The following PCDHGA4 variants were observed in gnomAD, a reference collection of about 807,000 sequenced individuals.
PCDHGA4 encodes protocadherin gamma-A4.
Under a neutral mutation model 54.6 loss-of-function variants are expected in PCDHGA4, and 38 were observed. The ratio of observed to expected loss-of-function variants is 0.70; its 90% CI spans 0.54 to 0.91. PCDHGA4 has a LOEUF of 0.91. Ranked by LOEUF, PCDHGA4 falls within the 40% of genes least tolerant of loss-of-function variation. The pLI, the probability that PCDHGA4 is intolerant of heterozygous loss-of-function variation, is 0.00. For missense variants in PCDHGA4, 1,298 were observed against 1,220.9 expected, an observed-to-expected ratio of 1.06 and a Z score of -0.94; for synonymous variants, 511 against 512.9, an observed-to-expected ratio of 1.00 and a Z score of 0.05.
rs1391608601 is a variant in PCDHGA4 at position 141,511,893 on chromosome 5, A to G, written c.*720A>G. The G allele has an allele frequency of 6.4e-6, 1 of 155,062 alleles. No homozygotes were observed. Among genetic ancestry groups the G allele is most frequent in the East Asian group, 1.9e-4 (1 of 5,240 alleles). 9.6% of individuals were successfully genotyped at this position (155,062 alleles called of 1,614,324 possible). A position where few individuals can be genotyped will look rare whatever the true frequency, so the allele number is the denominator to read the frequency against. On this transcript the variant is annotated 3_prime_UTR_variant, in exon 4 of 4. Transcript: ENST00000571252. ...TCCACTGCATGCCTTGACTTCCCCC[A>G]CCTCCTCCTCAAACAAGAGACTCCA...
chr5:141,495,702 T>C (rs1462896403), intron 2 of PCDHGA4, among the ~76,000 whole-genome samples: 3 of 152,212 alleles, frequency 2.0e-5, no homozygotes, highest in Non-Finnish European at 4.4e-5. Context: ...TCAATAAATG[T>C]GGAGTGAGTA....
In PCDHGA4 at chr5:141,371,998, G is replaced by T. The variant is rs893704391; in HGVS notation, c.2514+14377G>T. ...GCCTTCGAGCTCACTCTGCAGGCCCGCGACCAGGGCTCGCCTACGCTCAGC... is the reference window on the plus strand; with the variant it reads ...GCCTTCGAGCTCACTCTGCAGGCCCTCGACCAGGGCTCGCCTACGCTCAGC... On this transcript the variant is annotated intron_variant, in intron 1 of 3. Transcript: ENST00000571252. The T allele has an allele frequency of 3.1e-6, 5 of 1,613,148 alleles. No homozygotes were observed. In the African/African-American group the frequency reaches 6.7e-5, roughly 22 times the overall value.
chr5:141,405,225 C>T (rs2154536264), intron 1 of PCDHGA4: 4 of 1,614,082 alleles, frequency 2.5e-6, no homozygotes, highest in Non-Finnish European at 1.7e-6. Context: ...CAGGAGTTCT[C>T]CCTCACCGCT....
At chr5:141,383,058 G>A (rs1289702805) in intron 1 of PCDHGA4, 1 of 1,613,912 alleles carries the variant, frequency 6.2e-7, no homozygotes, top group East Asian at 2.2e-5. Context: ...AGGACCTGGG[G>A]CTGGAGCCCC....
At chr5:141,421,973 G>C in intron 1 of PCDHGA4, 1 of 1,610,100 alleles carries the variant, frequency 6.2e-7, no homozygotes, top group Non-Finnish European at 8.5e-7. Context: ...TCCGTATATC[G>C]CGTGAGTGTT....
At chr5:141,478,620 G>A (rs1400703951) in intron 1 of PCDHGA4, 2 of 1,555,472 alleles carry the variant, frequency 1.3e-6, no homozygotes, top group East Asian at 2.4e-5. Context: ...AAGGAATGGA[G>A]CTGTTTTTTT....
At chr5:141,362,220 C>G in intron 1 of PCDHGA4, 1 of 1,614,046 alleles carries the variant, frequency 6.2e-7, no homozygotes, top group Non-Finnish European at 8.5e-7. Context: ...TGGTTGTGGC[C>G]TTGGCCTTGA....
intron 1 of PCDHGA4, among the ~76,000 whole-genome samples, chr5:141,358,251 T>C (rs906143895): frequency 8.5e-5 from 13 of 152,228 alleles, no homozygotes; most frequent in Non-Finnish European, 1.5e-4. Flanking sequence ...TAGGTGTTCC[T>C]GAAAAGATAC....
chr5:141,429,169 TACACACACACACACACACAC>T (rs10667977), intron 1 of PCDHGA4: 4 of 145,394 alleles, frequency 2.8e-5, no homozygotes, highest in Non-Finnish European at 6.0e-5. Flanking sequence ...ACATTGTTTA[TACACACACACACACACACAC>T]ACACACACAC....
intron 1 of PCDHGA4, chr5:141,370,170 C>G (rs1188782749): frequency 2.2e-6 from 1 of 459,536 alleles, no homozygotes; most frequent in Non-Finnish European, 3.8e-6. Flanking sequence ...AGCAGAGGCG[C>G]CGGGTGCCGC....
Position 141,477,464 on chromosome 5 carries a change from A to G in PCDHGA4, c.2515-17343A>G. The G allele has an allele frequency of 1.2e-6, 2 of 1,614,188 alleles. No homozygotes were observed. The highest frequency in any genetic ancestry group is 1.7e-6 in the Non-Finnish European group (2 of 1,180,034). On this transcript the variant is annotated intron_variant, in intron 1 of 3. Coordinates refer to ENST00000571252, the MANE Select transcript of PCDHGA4 (RefSeq NM_018917.4). This position sits in a 1 kb window ranked among gnomAD's most constrained non-coding sequence, Gnocchi z 4.9. ...AATAGTGCGTGTTCAAGTGTCCGAC[A>G]TCAATGACAACCCTCCACAATCTTC...
At chr5:141,465,150 G>A (rs192648619) in intron 1 of PCDHGA4, among the ~76,000 whole-genome samples, 474 of 151,492 alleles carry the variant, frequency 3.1e-3, no homozygotes, top group Middle Eastern at 0.024. Context: ...GATATATGAA[G>A]GGACTCTAAA....
chr5:141,362,229 G>T, intron 1 of PCDHGA4: 2 of 1,614,030 alleles, frequency 1.2e-6, no homozygotes, highest in Non-Finnish European at 1.7e-6. Context: ...CCTTGGCCTT[G>T]ATCTCAGTGC....
rs761202330 is a variant in PCDHGA4 at position 141,489,878 on chromosome 5, C to T, written c.2515-4929C>T. 1.1e-5 allele frequency: 17 copies of T among 1,614,116 alleles called. No individual in the cohort carries two copies. In the East Asian group the frequency reaches 3.6e-4, roughly 34 times the overall value. On this transcript the variant is annotated intron_variant, in intron 1 of 3. Transcript: ENST00000571252. This position sits in a 1 kb window ranked among gnomAD's most constrained non-coding sequence, Gnocchi z 4.5. ...CAGGCAAGACATCAGCTGGTGCTTA[C>T]TGCTGTGGATGGGGGGACCCCAGCC... is the stretch of plus-strand genomic sequence containing the variant.
chr5:141,490,010 T>C lies in PCDHGA4; in HGVS notation c.2515-4797T>C, dbSNP rs749356078. On this transcript the variant is annotated intron_variant, in intron 1 of 3. Coordinates refer to ENST00000571252, the MANE Select transcript of PCDHGA4 (RefSeq NM_018917.4). The surrounding 1 kb of genome is among the most constrained non-coding windows in gnomAD (Gnocchi z 5.4). ...GTGGGAATCCCAGAGAATGCACCCA[T>C]TGGTACTCTGCTGCTCCGCCTCAAT... 11 of 1,614,198 alleles carry C rather than the reference T, an allele frequency of 6.8e-6. No homozygotes were observed. The highest frequency in any genetic ancestry group is 2.2e-5 in the South Asian group (2 of 91,082).
intron 1 of PCDHGA4, chr5:141,382,817 A>G (rs1778464992): frequency 3.9e-6 from 5 of 1,269,918 alleles, no homozygotes; most frequent in Non-Finnish European, 4.4e-6. Flanking sequence ...TCCCCTTCCT[A>G]AGACAGAGGG....
chr5:141,366,043 T>C (rs1041453851), intron 1 of PCDHGA4: 3 of 1,614,242 alleles, frequency 1.9e-6, no homozygotes, highest in African/African-American at 2.7e-5. Flanking sequence ...CCACAGACGG[T>C]TCCACGGGCG....
intron 1 of PCDHGA4, chr5:141,408,686 A>G (rs2095150873): frequency 6.2e-7 from 1 of 1,613,848 alleles, no homozygotes; most frequent in Non-Finnish European, 8.5e-7. Flanking sequence ...GGATCCTGAT[A>G]TAAACATAAA....
intron 1 of PCDHGA4, among the ~76,000 whole-genome samples, chr5:141,379,866 T>A (rs1199183265): frequency 1.3e-5 from 2 of 149,428 alleles, no homozygotes; most frequent in Non-Finnish European, 3.0e-5. Context: ...GTCTTATTCT[T>A]ATTTTATGGT....
Sources: allele counts gnomAD v4.1 joint callset (sites outside exome capture counted in the v4.1 genomes callset), GRCh38; gene constraint gnomAD v4.1.1; non-coding constraint Gnocchi (gnomAD v3.1); transcripts MANE v1.5; gene names NCBI Gene and HGNC (gene_info 2026-07-23, HGNC 2026-07-21).